The following RANBP2 variants were observed in gnomAD, a reference collection of about 807,000 sequenced individuals.
The protein encoded by RANBP2 is RAN binding protein 2, also known as E3 SUMO-protein ligase RanBP2.
Under a neutral mutation model 303.6 loss-of-function variants are expected in RANBP2, and 57 were observed. That is an observed-to-expected ratio of 0.19 (90% CI 0.15 to 0.23). RANBP2 has a LOEUF of 0.23. RANBP2 is among the 10% of genes least tolerant of loss of function. RANBP2 has a pLI of 1.00. For missense variants in RANBP2, 3,138 were observed against 3,780.8 expected, an observed-to-expected ratio of 0.83 and a Z score of 4.46; for synonymous variants, 1,167 against 1,301.5, an observed-to-expected ratio of 0.90 and a Z score of 2.23.
chr2:109,246,961 T>G, the RANBP2 span, among the ~76,000 whole-genome samples: 1 of 152,224 alleles, frequency 6.6e-6, no homozygotes, highest in Non-Finnish European at 1.5e-5. Context: ...TCCCAGAGCA[T>G]GAGGAGGACT....
chr2:108,858,298 T>A, the RANBP2 span, among the ~76,000 whole-genome samples: 1 of 152,162 alleles, frequency 6.6e-6, no homozygotes, highest in African/African-American at 2.4e-5. Flanking sequence ...GAGCCAAGAT[T>A]GTGCCACTGT....
At chr2:109,297,770 A>T in the RANBP2 span, among the ~76,000 whole-genome samples, 3 of 140,912 alleles carry the variant, frequency 2.1e-5, no homozygotes, top group Admixed American at 7.1e-5. Flanking sequence ...AGTGCCTCCC[A>T]CTCAGTCATT....
the RANBP2 span, among the ~76,000 whole-genome samples, chr2:109,440,320 A>C: frequency 7.7e-4 from 117 of 152,284 alleles, 5 homozygotes; most frequent in East Asian, 0.017. Context: ...CGCCGAGGCC[A>C]GGGGCCCATG....
At chr2:108,879,910 A>G in the RANBP2 span, among the ~76,000 whole-genome samples, 36 of 152,168 alleles carry the variant, frequency 2.4e-4, no homozygotes, top group Non-Finnish European at 5.9e-5. Flanking sequence ...AGAGTAAACA[A>G]TGTAAAATAG....
the RANBP2 span, among the ~76,000 whole-genome samples, chr2:109,451,860 C>T: frequency 7.9e-5 from 12 of 152,222 alleles, no homozygotes; most frequent in South Asian, 2.1e-4. Flanking sequence ...GCGTAGGCCA[C>T]GCTTGGGGCT....
At chr2:109,114,947 G>C in the RANBP2 span, among the ~76,000 whole-genome samples, 1 of 152,350 alleles carries the variant, frequency 6.6e-6, no homozygotes, top group South Asian at 2.1e-4. Context: ...GCAGTTTTGA[G>C]TGAGTTTCTT....
chr2:109,463,617 A>T, the RANBP2 span, among the ~76,000 whole-genome samples: 11 of 152,192 alleles, frequency 7.2e-5, no homozygotes, highest in South Asian at 2.3e-3. Context: ...ACAAACAGGG[A>T]CTCTGGAAGC....
the RANBP2 span, among the ~76,000 whole-genome samples, chr2:109,170,945 C>T: frequency 9.5e-3 from 1,448 of 152,280 alleles, 32 homozygotes; most frequent in African/African-American, 0.033. Context: ...TAGCCCACAC[C>T]GGGCTGGGTG....
chr2:108,788,381 C>G (rs181654465), downstream of RANBP2, among the ~76,000 whole-genome samples: 1 of 150,592 alleles, frequency 6.6e-6, no homozygotes, highest in Non-Finnish European at 1.5e-5. Context: ...GATGGCGCCA[C>G]TACACTCCAG....
chr2:109,250,543 C>T, the RANBP2 span, among the ~76,000 whole-genome samples: 18 of 151,700 alleles, frequency 1.2e-4, no homozygotes, highest in East Asian at 2.5e-3. Context: ...AGAATTTGAC[C>T]GTTTTTCTTT....
At chr2:109,249,534 TCCTTCCTTCCTTCC>T in the RANBP2 span, among the ~76,000 whole-genome samples, 3 of 108,968 alleles carry the variant, frequency 2.8e-5, no homozygotes, top group Middle Eastern at 3.5e-3. Context: ...TTTCTTTCTT[TCCTTCCTTCCTTCC>T]TTCCTTCCTT....
At chr2:109,096,610 T>C in the RANBP2 span, among the ~76,000 whole-genome samples, 1 of 152,162 alleles carries the variant, frequency 6.6e-6, no homozygotes, top group Non-Finnish European at 1.5e-5. Context: ...GGAAAAAAAC[T>C]GTCAGGACTC....
At chr2:108,862,893 A>G in the RANBP2 span, among the ~76,000 whole-genome samples, 1 of 152,202 alleles carries the variant, frequency 6.6e-6, no homozygotes, top group African/African-American at 2.4e-5. Context: ...ATCCTAGGAA[A>G]TATTACAAGG....
At chr2:108,947,465 G>T in the RANBP2 span, among the ~76,000 whole-genome samples, 1 of 152,196 alleles carries the variant, frequency 6.6e-6, no homozygotes, top group Non-Finnish European at 1.5e-5. Flanking sequence ...CATTGCCTTG[G>T]TAGAGGTTCT....
Position 108,754,043 on chromosome 2 carries a change from A to G in RANBP2, c.2202+72A>G. On this transcript the variant is annotated intron_variant, in intron 15 of 28. Transcript: ENST00000283195. The stretch of plus-strand genomic sequence containing the variant: ...GTCAATGTTTTTGCGTTGGTCTTAT[A>G]TTTTGGTAATTTCAAAAATACTCAG... 1.9e-6 allele frequency: 3 copies of G among 1,610,500 alleles called. No individual in the cohort carries two copies. The South Asian group carries it at 3.3e-5, about 18-fold the overall frequency.
the RANBP2 span, among the ~76,000 whole-genome samples, chr2:109,477,519 G>C: frequency 6.6e-6 from 1 of 152,226 alleles, no homozygotes; most frequent in African/African-American, 2.4e-5. Flanking sequence ...GAGACCAGGA[G>C]AGCCTCTCCC....
the RANBP2 span, chr2:109,251,785 T>C: frequency 1.9e-6 from 1 of 524,446 alleles, no homozygotes; most frequent in Non-Finnish European, 3.4e-6. Flanking sequence ...AAAAAAAGAA[T>C]TAGATAATAC....
chr2:109,666,319 AAGG>A, the RANBP2 span, among the ~76,000 whole-genome samples: 24 of 152,090 alleles, frequency 1.6e-4, no homozygotes, highest in African/African-American at 5.3e-4. Context: ...TTTTTGTGAG[AAGG>A]AGATTTCTCT....
the RANBP2 span, among the ~76,000 whole-genome samples, chr2:109,294,088 T>C: frequency 6.6e-6 from 1 of 152,182 alleles, no homozygotes; most frequent in South Asian, 2.1e-4. Context: ...ACATGTAAGA[T>C]GGAGCTCTGT....
Sources: allele counts gnomAD v4.1 joint callset (sites outside exome capture counted in the v4.1 genomes callset), GRCh38; gene constraint gnomAD v4.1.1; transcripts MANE v1.5; gene names NCBI Gene and HGNC (gene_info 2026-07-23, HGNC 2026-07-21).